The following HS3ST4 variants were observed in gnomAD, a reference collection of about 807,000 sequenced individuals.
HS3ST4 encodes the protein heparan sulfate-glucosamine 3-sulfotransferase 4.
A neutral mutation model predicts 29.2 loss-of-function variants in HS3ST4; 17 were observed. That is an observed-to-expected ratio of 0.58 (90% confidence interval 0.40 to 0.87). The LOEUF (loss-of-function observed/expected upper bound fraction) is 0.87, where lower values mean the gene tolerates loss of function less well. Ranked by LOEUF, HS3ST4 falls within the 40% of genes least tolerant of loss-of-function variation. HS3ST4 has a pLI of 0.00. For missense variants in HS3ST4, 627 were observed against 634.5 expected, an observed-to-expected ratio of 0.99 and a Z score of 0.13; for synonymous variants, 314 against 285.7, an observed-to-expected ratio of 1.10 and a Z score of -1.00.
At chr16:25,701,033 G>C (rs1966330865) in intron 1 of HS3ST4, among the ~76,000 whole-genome samples, 1 of 152,098 alleles carries the variant, frequency 6.6e-6, no homozygotes, top group Non-Finnish European at 1.5e-5. Flanking sequence ...AGAAGTCTGG[G>C]GATAACTTGG....
At chr16:25,805,465 C>T (rs562768394) in intron 1 of HS3ST4, among the ~76,000 whole-genome samples, 117 of 152,124 alleles carry the variant, frequency 7.7e-4, no homozygotes, top group African/African-American at 2.7e-3. Flanking sequence ...CTCAGACATG[C>T]GAACATGAGC....
Position 26,135,650 on chromosome 16 carries a change from T to C in HS3ST4, c.773T>C (p.Met258Thr), listed in dbSNP as rs377635266. The C allele has an allele frequency of 5.0e-6, 8 of 1,612,092 alleles. No homozygotes were observed. The highest frequency in any genetic ancestry group is 5.1e-6 in the Non-Finnish European group (6 of 1,179,180). The change falls in exon 2 of 2, where the codon ATG becomes ACG. Residue 258 changes from methionine (M) to threonine (T), a missense_variant. Coordinates refer to ENST00000331351, the MANE Select transcript of HS3ST4 (RefSeq NM_006040.3). ...AAGACTTTGGATGGGCAAATAACCA[T>C]GGAGAAGACTCCAAGTTACTTTGTG... ...MPKTLDGQITMEKTPSYFVTN... is the reference protein window; with the variant it reads ...MPKTLDGQITTEKTPSYFVTN...
chr16:25,818,751 A>G (rs4447434), intron 1 of HS3ST4, among the ~76,000 whole-genome samples: 44,120 of 152,100 alleles, frequency 0.29, 6,799 homozygotes, highest in African/African-American at 0.37. Flanking sequence ...ATGTAACACT[A>G]TAAAAGCTCT....
intron 1 of HS3ST4, among the ~76,000 whole-genome samples, chr16:26,031,160 G>A (rs913111876): frequency 1.3e-5 from 2 of 152,128 alleles, no homozygotes; most frequent in South Asian, 2.1e-4. Flanking sequence ...CATTCAGAGC[G>A]GGACTACCTG....
rs367851736 is a variant in HS3ST4, at chr16:25,793,209, T to A, written c.734+100058T>A. 3.5e-3 allele frequency among the ~76,000 whole-genome samples: 526 copies of A among 152,072 alleles called. 2 individuals are homozygous for A. Among genetic ancestry groups the A allele is most frequent in the African/African-American group, 0.011 (475 of 41,582 alleles). On this transcript the variant is annotated intron_variant, in intron 1 of 1. Coordinates refer to ENST00000331351, the MANE Select transcript of HS3ST4 (RefSeq NM_006040.3). ...ACTTTATAATCCAGAGTATGGCAAGTTTTAATAAACATTCAGATACACTTG... is the reference window on the plus strand; with the variant it reads ...ACTTTATAATCCAGAGTATGGCAAGATTTAATAAACATTCAGATACACTTG...
intron 1 of HS3ST4, among the ~76,000 whole-genome samples, chr16:25,833,970 C>T (rs543948531): frequency 1.3e-5 from 2 of 152,020 alleles, no homozygotes; most frequent in Admixed American, 1.3e-4. Flanking sequence ...TGTGCTAGGT[C>T]TGATGAAACT....
intron 1 of HS3ST4, among the ~76,000 whole-genome samples, chr16:25,944,640 C>T (rs1968607701): frequency 6.6e-6 from 1 of 152,222 alleles, no homozygotes; most frequent in Non-Finnish European, 1.5e-5. Context: ...CATTTCACCC[C>T]ATGAGCTACC....
At chr16:25,923,171 T>C (rs1968370846) in intron 1 of HS3ST4, among the ~76,000 whole-genome samples, 1 of 152,210 alleles carries the variant, frequency 6.6e-6, no homozygotes, top group South Asian at 2.1e-4. Flanking sequence ...AAACAAGACA[T>C]TCTAGGATGA....
At chr16:25,857,183 G>A (rs1204237919) in intron 1 of HS3ST4, among the ~76,000 whole-genome samples, 2 of 152,134 alleles carry the variant, frequency 1.3e-5, no homozygotes, top group African/African-American at 4.8e-5. Flanking sequence ...TAATTTGTCA[G>A]AATTACCATT....
At chr16:25,956,189 G>A (rs1478223653) in intron 1 of HS3ST4, among the ~76,000 whole-genome samples, 4 of 152,118 alleles carry the variant, frequency 2.6e-5, no homozygotes, top group East Asian at 1.9e-4. Context: ...GCATCCTCTC[G>A]TCTTATTCTT....
At chr16:26,088,365 A>G (rs1392396592) in intron 1 of HS3ST4, among the ~76,000 whole-genome samples, 2 of 152,066 alleles carry the variant, frequency 1.3e-5, no homozygotes, top group African/African-American at 2.4e-5. Context: ...TGTATGTTTA[A>G]TTGTGGTGGT....
chr16:26,032,866 G>A (rs562006261), intron 1 of HS3ST4: 28 of 1,542,290 alleles, frequency 1.8e-5, no homozygotes, highest in Middle Eastern at 1.7e-4. Context: ...ATGCAGTGGC[G>A]CGCGGGCTTT....
intron 1 of HS3ST4, among the ~76,000 whole-genome samples, chr16:25,720,590 C>G (rs1212970962): frequency 1.3e-5 from 2 of 152,104 alleles, no homozygotes; most frequent in African/African-American, 2.4e-5. Flanking sequence ...TCATTTTCAC[C>G]TCCAACCTTA....
chr16:25,833,111 G>GA (rs932872985), intron 1 of HS3ST4, among the ~76,000 whole-genome samples: 130 of 150,648 alleles, frequency 8.6e-4, no homozygotes, highest in Middle Eastern at 3.4e-3. Flanking sequence ...ATTTCCCCTG[G>GA]AAAAAAAAAT....
chr16:25,873,715 T>G (rs1184808585), intron 1 of HS3ST4, among the ~76,000 whole-genome samples: 3 of 151,336 alleles, frequency 2.0e-5, no homozygotes, highest in African/African-American at 7.3e-5. Context: ...CATCTGTCCA[T>G]CTATCCATCC....
chr16:25,709,354 G>C (rs576290893), intron 1 of HS3ST4, among the ~76,000 whole-genome samples: 1 of 152,252 alleles, frequency 6.6e-6, no homozygotes, highest in African/African-American at 2.4e-5. Flanking sequence ...TGTTGCCAGC[G>C]GGGTGTGAGG....
intron 1 of HS3ST4, among the ~76,000 whole-genome samples, chr16:25,802,927 ATGTGTGTGTGTGTGTGTGTGTGTG>A (rs71158967): frequency 2.9e-5 from 3 of 101,956 alleles, no homozygotes; most frequent in South Asian, 2.6e-4. Flanking sequence ...TAAGTTATAT[ATGTGTGTGTGTGTGTGTGTGTGTG>A]TGTGTGTGTG....
chr16:25,903,188 T>A (rs1336189089), intron 1 of HS3ST4, among the ~76,000 whole-genome samples: 1 of 151,376 alleles, frequency 6.6e-6, no homozygotes, highest in Non-Finnish European at 1.5e-5. Flanking sequence ...GGAGAAATAG[T>A]GATTCTTTTT....
chr16:25,714,546 G>A (rs953769110), intron 1 of HS3ST4, among the ~76,000 whole-genome samples: 1 of 152,204 alleles, frequency 6.6e-6, no homozygotes, highest in African/African-American at 2.4e-5. Context: ...GTGGTTTAGA[G>A]ATGATGCAGA....
Sources: allele counts gnomAD v4.1 joint callset (sites outside exome capture counted in the v4.1 genomes callset), GRCh38; gene constraint gnomAD v4.1.1; transcripts MANE v1.5; gene names NCBI Gene and HGNC (gene_info 2026-07-23, HGNC 2026-07-21).